Variants in SPTBN2 observed in about 807,000 individuals in gnomAD.
SPTBN2 encodes the protein spectrin beta chain, non-erythrocytic 2.
SPTBN2 carries 107 observed loss-of-function variants against 284.2 expected under a neutral mutation model. The observed-to-expected ratio is 0.38, with a 90% confidence interval of 0.32 to 0.44. The LOEUF (loss-of-function observed/expected upper bound fraction) is 0.44, where lower values mean the gene tolerates loss of function less well. Among genes scored for constraint, SPTBN2 ranks in the 20% least tolerant of loss-of-function variants. The probability of loss-of-function intolerance (pLI) is 1.00; values close to 1 mark genes in which losing one functional copy is unlikely to be tolerated. For synonymous variants in SPTBN2, 1,289 were observed against 1,354.8 expected, an observed-to-expected ratio of 0.95 and a Z score of 1.07; for missense variants, 2,569 against 3,287.1, an observed-to-expected ratio of 0.78 and a Z score of 5.34.
chr11:66,688,461 C>T (rs1439322546), intron 31 of SPTBN2, 150 bp from the exon 32 acceptor site: 45 of 1,518,400 alleles, frequency 3.0e-5, no homozygotes, highest in Non-Finnish European at 3.6e-5. Context: ...AGAAACAAAG[C>T]GGGAGAAGGT....
In SPTBN2 at chr11:66,690,288, G is replaced by C. The variant is rs192159470; in HGVS notation, c.5566-5C>G. On this transcript the variant is annotated splice_region_variant and splice_polypyrimidine_tract_variant and intron_variant, in intron 27 of 37. Coordinates refer to ENST00000533211, the MANE Select transcript of SPTBN2 (RefSeq NM_006946.4). The stretch of plus-strand genomic sequence containing the variant: ...GTCGTCCTGCACCTGCTGGACCTGC[G>C]GAGCCCCGGGTCAGAGTCAGGCAGA... The C allele has an allele frequency of 6.2e-7, 1 of 1,602,338 alleles. No homozygotes were observed. The highest frequency in any genetic ancestry group is 1.7e-5 in the Admixed American group (1 of 59,390).
intron 3 of SPTBN2, among the ~76,000 whole-genome samples, chr11:66,719,547 C>T (rs1043645179): frequency 1.3e-5 from 2 of 152,240 alleles, no homozygotes; most frequent in Admixed American, 1.3e-4. Flanking sequence ...AATGAGAGCA[C>T]GAGGTCACAC....
At chr11:66,731,109 A>G (rs1369685631), upstream of SPTBN2, among the ~76,000 whole-genome samples, 10 of 152,222 alleles carry the variant, frequency 6.6e-5, no homozygotes, top group Non-Finnish European at 1.2e-4. Context: ...GGAACATCAA[A>G]TGAATTATTG....
Position 66,710,505 on chromosome 11 carries a change from C to A in SPTBN2, c.1073+77G>T, listed in dbSNP as rs1941799320. ...ATTTATGTACTGCCAAATTTCCCTC[C>A]CTGAAGGCTGTGCTAATTTAGGCTT... is the stretch of plus-strand genomic sequence containing the variant. On this transcript the variant is annotated intron_variant, in intron 10 of 37. Transcript: ENST00000533211. The surrounding 1 kb of genome is among the most constrained non-coding windows in gnomAD (Gnocchi z 4.9). 3.3e-6 allele frequency: 5 copies of A among 1,496,736 alleles called. No homozygotes were observed. The highest frequency in any genetic ancestry group is 2.1e-4 in the Middle Eastern group (1 of 4,702). 92.7% of individuals were successfully genotyped at this position (1,496,736 alleles called of 1,614,324 possible). A position where few individuals can be genotyped will look rare whatever the true frequency, so the allele number is the denominator to read the frequency against.
At chr11:66,734,714 G>T (rs144116509) in intron 1 of SPTBN2, among the ~76,000 whole-genome samples, 230 of 152,282 alleles carry the variant, frequency 1.5e-3, no homozygotes, top group African/African-American at 5.5e-3. Flanking sequence ...TGAGGGAAGA[G>T]AACACAATTA....
At chr11:66,727,317 G>T (rs904159638) in intron 1 of SPTBN2, among the ~76,000 whole-genome samples, 4 of 152,204 alleles carry the variant, frequency 2.6e-5, no homozygotes, top group African/African-American at 9.6e-5. Flanking sequence ...AAACCCCCGG[G>T]CTCTCCAGCG....
intron 13 of SPTBN2, among the ~76,000 whole-genome samples, chr11:66,706,632 C>CTTT (rs1261017116): frequency 4.5e-5 from 6 of 133,400 alleles, no homozygotes; most frequent in African/African-American, 1.4e-4. Context: ...TGCCTAGCTG[C>CTTT]TTTTTTTTTT....
rs1046652436 is a variant in SPTBN2 at position 66,715,701 on chromosome 11, A to G, written c.309+129T>C. 35 of 1,309,620 alleles carry G rather than the reference A, an allele frequency of 2.7e-5. No individual in the cohort carries two copies. The African/African-American group carries it at 4.2e-4, about 16-fold the overall frequency. The allele number at this position is 1,309,620 out of a possible 1,614,324, so 81.1% of individuals were successfully genotyped here. A position where few individuals can be genotyped will look rare whatever the true frequency, so the allele number is the denominator to read the frequency against. The stretch of plus-strand genomic sequence containing the variant: ...TGGCAAAGGCACTTGAAATGAACCC[A>G]TCCTCTGAGCAGAGGGAGCCACTGC... On this transcript the variant is annotated intron_variant, in intron 4 of 37. Coordinates refer to ENST00000533211, the MANE Select transcript of SPTBN2 (RefSeq NM_006946.4). The surrounding 1 kb of genome is among the most constrained non-coding windows in gnomAD (Gnocchi z 5.3).
chr11:66,690,579 C>T (rs559756635), intron 27 of SPTBN2, among the ~76,000 whole-genome samples: 3 of 152,256 alleles, frequency 2.0e-5, no homozygotes, highest in Non-Finnish European at 2.9e-5. Flanking sequence ...ATTGCTAGAA[C>T]GTGCTACTTA....
In SPTBN2 at chr11:66,704,756, C is replaced by T. The variant is rs1941429901; in HGVS notation, c.2520G>A (p.Arg840=). 6.2e-7 allele frequency: 1 copy of T among 1,604,192 alleles called. No homozygotes were observed. The highest frequency in any genetic ancestry group is 1.3e-5 in the African/African-American group (1 of 74,880). ...CCAAGGCCCGCGCTCGCTCGCCTGCCCGGGCCTGCAGCTCCTCGTAGTGCC... is the reference window on the plus strand; with the variant it reads ...CCAAGGCCCGCGCTCGCTCGCCTGCTCGGGCCTGCAGCTCCTCGTAGTGCC... The part of the protein sequence containing the change: ...LERHYEELQA[R]AGERARALEA... Residue 840 remains arginine, a synonymous_variant, in exon 15 of 38, where the codon CGG becomes CGA. Transcript: ENST00000533211.
In SPTBN2 at chr11:66,689,929, G is replaced by A. The variant is rs765483709; in HGVS notation, c.5825C>T (p.Ala1942Val). ...TTGCTGGTTCTTGATGACTAGATCC[G>A]CGGAGGACACATCCCTGGGGGGAGG... Reference protein sequence around the residue: ...AQERPRDVSSADLVIKNQQGI... With the variant: ...AQERPRDVSSVDLVIKNQQGI... The change falls in exon 29 of 38, where the codon GCG (alanine) becomes GTG (valine). Residue 1942 changes from alanine to valine, a missense_variant. Physicochemically the swap from Ala to Val is moderately conservative, Grantham distance 64. Coordinates refer to ENST00000533211, the MANE Select transcript of SPTBN2 (RefSeq NM_006946.4). 4.1e-5 allele frequency: 66 copies of A among 1,613,882 alleles called. No individual in the cohort carries two copies. Among genetic ancestry groups the A allele is most frequent in the Non-Finnish European group, 4.6e-5 (54 of 1,180,016 alleles).
intron 1 of SPTBN2, among the ~76,000 whole-genome samples, chr11:66,743,198 CAA>C (rs1035612784): frequency 1.3e-5 from 2 of 152,126 alleles, no homozygotes; most frequent in African/African-American, 2.4e-5. Context: ...AGCTGTTTAT[CAA>C]GTTTGATGGT....
At chr11:66,711,608 G>A (rs1941870760) in intron 8 of SPTBN2, among the ~76,000 whole-genome samples, 1 of 152,164 alleles carries the variant, frequency 6.6e-6, no homozygotes, top group South Asian at 2.1e-4. Flanking sequence ...AGCCGAATTG[G>A]CTTCCAGCGC....
chr11:66,738,031 A>G (rs775192459), intron 1 of SPTBN2, among the ~76,000 whole-genome samples: 15 of 152,200 alleles, frequency 9.9e-5, no homozygotes, highest in Non-Finnish European at 1.8e-4. Context: ...CCCGGCCAAC[A>G]TGGTGAAACC....
chr11:66,688,935 G>T, intron 30 of SPTBN2, 86 bp from the exon 31 acceptor site: 2 of 1,547,946 alleles, frequency 1.3e-6, no homozygotes, highest in Non-Finnish European at 1.8e-6. Flanking sequence ...CAAGAACAGG[G>T]ACACAGAGAA....
At position 66,699,593 on chromosome 11, in the gene SPTBN2, G is replaced by A; in HGVS notation, c.3589C>T (p.His1197Tyr). ...TGGAGTGTCCCTGGCATCTCCGTGT[G>A]AGACAGAACATATTCCTGTGTGGGA... ...VLSSQEYVLS[H>Y]TEMPGTLQAA... The change falls in exon 18 of 38, where the codon CAC becomes TAC. Residue 1197 changes from histidine (H) to tyrosine (Y), a missense_variant. This residue lies in a region of SPTBN2 where 1,012 missense variants were observed against 1,248.9 expected (regional missense o/e 0.81). Coordinates refer to ENST00000533211, the MANE Select transcript of SPTBN2 (RefSeq NM_006946.4). 1 of 1,614,124 alleles carries A rather than the reference G, an allele frequency of 6.2e-7. No individual in the cohort carries two copies. Among genetic ancestry groups the A allele is most frequent in the Non-Finnish European group, 8.5e-7 (1 of 1,180,026 alleles).
chr11:66,725,215 C>G (rs1176984288), intron 1 of SPTBN2, among the ~76,000 whole-genome samples: 1 of 152,210 alleles, frequency 6.6e-6, no homozygotes, highest in Non-Finnish European at 1.5e-5. Flanking sequence ...ACAGGGCCAC[C>G]ATGTTGCAAC....
Position 66,689,226 on chromosome 11 carries a change from T to G in SPTBN2, c.5950-46A>C, listed in dbSNP as rs756467625. On this transcript the variant is annotated intron_variant, in intron 29 of 37. Transcript: ENST00000533211. Reference sequence around the variant, plus strand: ...TATGAGTTAGCACCAGGATGTGAGATCTTTCCACGGCCCCTGGGGAGTCAT... The same window carrying G: ...TATGAGTTAGCACCAGGATGTGAGAGCTTTCCACGGCCCCTGGGGAGTCAT... The G allele has an allele frequency of 2.5e-5, 39 of 1,570,538 alleles. No individual in the cohort carries two copies. The East Asian group carries it at 7.4e-4, about 30-fold the overall frequency.
intron 1 of SPTBN2, among the ~76,000 whole-genome samples, chr11:66,724,346 C>A (rs1210427731): frequency 1.3e-5 from 2 of 152,118 alleles, no homozygotes; most frequent in African/African-American, 4.8e-5. Context: ...TTGCTTGAAC[C>A]CAGGAGGTGG....
Sources: gnomAD v4.1 joint callset for allele counts (sites outside exome capture counted in the v4.1 genomes callset) on GRCh38, gnomAD v4.1.1 for gene constraint, gnomAD v4.1.1 regional missense constraint, Gnocchi (gnomAD v3.1) non-coding constraint, MANE v1.5 for transcripts, NCBI Gene and HGNC (gene_info 2026-07-23, HGNC 2026-07-21) for gene names.